ALMS1: variants seen among roughly 807,000 people sequenced by gnomAD.
ALMS1 encodes the protein ALMS1 centrosome and basal body associated protein.
A neutral mutation model predicts 352.2 loss-of-function variants in ALMS1; 271 were observed. The ratio of observed to expected loss-of-function variants is 0.77; its 90% CI spans 0.70 to 0.85. The LOEUF is 0.85. ALMS1 is among the 40% of genes least tolerant of loss of function. The probability of loss-of-function intolerance (pLI) is 0.00; values close to 1 mark genes in which losing one functional copy is unlikely to be tolerated. For missense variants in ALMS1, 5,445 were observed against 4,870.7 expected, an observed-to-expected ratio of 1.12 and a Z score of -3.51; for synonymous variants, 1,865 against 1,761.2, an observed-to-expected ratio of 1.06 and a Z score of -1.48.
intron 10 of ALMS1, among the ~76,000 whole-genome samples, chr2:73,493,584 T>G (rs1333234152): frequency 6.6e-6 from 1 of 151,886 alleles, no homozygotes; most frequent in East Asian, 1.9e-4. Flanking sequence ...TAGCTGGGCA[T>G]GGTGGCACAT....
intron 16 of ALMS1, among the ~76,000 whole-genome samples, chr2:73,590,903 A>T (rs1675419690): frequency 6.7e-6 from 1 of 150,350 alleles, no homozygotes; most frequent in Non-Finnish European, 1.5e-5. Flanking sequence ...CTGGTCTGAA[A>T]CTCCTGACCT....
chr2:73,397,728 A>G lies in ALMS1; in HGVS notation c.325-10894A>G, dbSNP rs565460323. 8.9e-4 allele frequency among the ~76,000 whole-genome samples: 136 copies of G among 152,308 alleles called. 1 individual carries two copies. Among genetic ancestry groups the G allele is most frequent in the South Asian group, 1.9e-3 (9 of 4,818 alleles). On this transcript the variant is annotated intron_variant, in intron 1 of 22. Transcript: ENST00000613296. ...GGTGATCCACCTGCCTCGGCCTCCC[A>G]GAGTGCTGGGATTACAGGCGTGCGG...
intron 15 of ALMS1, among the ~76,000 whole-genome samples, chr2:73,568,347 C>T (rs571440940): frequency 2.0e-5 from 3 of 152,202 alleles, no homozygotes; most frequent in Middle Eastern, 3.4e-3. Context: ...CCCTTTTCAC[C>T]CAGACTTCCA....
At chr2:73,596,572 A>G (rs780640086) in intron 16 of ALMS1, among the ~76,000 whole-genome samples, 24 of 151,792 alleles carry the variant, frequency 1.6e-4, no homozygotes, top group East Asian at 3.9e-4. Context: ...CCTGGGTTCA[A>G]GCGATTCTTC....
chr2:73,534,503 T>A (rs987467752), intron 11 of ALMS1, among the ~76,000 whole-genome samples: 1 of 152,192 alleles, frequency 6.6e-6, no homozygotes, highest in Non-Finnish European at 1.5e-5. Flanking sequence ...CCTACCATCC[T>A]ACTTAAACTG....
intron 12 of ALMS1, among the ~76,000 whole-genome samples, chr2:73,541,867 C>T (rs1032166426): frequency 1.3e-5 from 2 of 152,156 alleles, no homozygotes; most frequent in African/African-American, 4.8e-5. Flanking sequence ...GAAATTGAGG[C>T]AATAATCGAT....
intron 9 of ALMS1, among the ~76,000 whole-genome samples, chr2:73,482,987 T>G (rs1428501668): frequency 2.1e-4 from 32 of 152,388 alleles, no homozygotes; most frequent in African/African-American, 6.7e-4. Context: ...TTATTAGTCT[T>G]GCTAGCAGTC....
intron 1 of ALMS1, among the ~76,000 whole-genome samples, chr2:73,387,200 T>G (rs1345336211): frequency 6.6e-6 from 1 of 152,222 alleles, no homozygotes; most frequent in Non-Finnish European, 1.5e-5. Flanking sequence ...CAGGGGGTAC[T>G]TAATTCATTG....
At chr2:73,529,360 A>G (rs1673860979) in intron 11 of ALMS1, among the ~76,000 whole-genome samples, 1 of 152,124 alleles carries the variant, frequency 6.6e-6, no homozygotes, top group Non-Finnish European at 1.5e-5. Flanking sequence ...GATATTTTTG[A>G]ATTCTTTGTC....
At chr2:73,466,072 G>A (rs1478218342) in intron 9 of ALMS1, among the ~76,000 whole-genome samples, 1 of 152,166 alleles carries the variant, frequency 6.6e-6, no homozygotes. Flanking sequence ...GGAAGTCAGT[G>A]TGTCGATTCC....
In ALMS1 at chr2:73,450,846, A is replaced by G. The variant is rs1295926320; in HGVS notation, c.4319A>G (p.Gln1440Arg). 4.3e-6 allele frequency: 7 copies of G among 1,614,174 alleles called. No homozygotes were observed. Among genetic ancestry groups the G allele is most frequent in the Non-Finnish European group, 5.9e-6 (7 of 1,180,006 alleles). Reference sequence around the variant, plus strand: ...ACAGAGAAGCCTGGTAGTTTCTACCAACAGGTCTTGCCACATAGTCATCTA... The same window carrying G: ...ACAGAGAAGCCTGGTAGTTTCTACCGACAGGTCTTGCCACATAGTCATCTA... The part of the protein sequence containing the change: ...SHTEKPGSFY[Q>R]QVLPHSHLPE... Residue 1440 changes from glutamine to arginine, a missense_variant, in exon 8 of 23, where the codon CAA becomes CGA. By Grantham distance (43) the Gln-to-Arg change is conservative (BLOSUM62 1). Coordinates refer to ENST00000613296, the MANE Select transcript of ALMS1 (RefSeq NM_001378454.1).
Position 73,602,369 on chromosome 2 carries a change from G to C in ALMS1, c.12298+1G>C. On this transcript the variant is annotated splice_donor_variant, in intron 20 of 22. Transcript: ENST00000613296. LOFTEE classifies it high-confidence loss of function. ...CGCATGTGCCCGCTGCCCAAGAGAG[G>C]TACGCCCTGCCCGTTCACTTTCCTG... is the stretch of plus-strand genomic sequence containing the variant. 1.2e-6 allele frequency: 2 copies of C among 1,614,116 alleles called. No individual in the cohort carries two copies. Among genetic ancestry groups the C allele is most frequent in the South Asian group, 2.2e-5 (2 of 91,066 alleles).
At chr2:73,590,539 C>T (rs1675407008) in intron 16 of ALMS1, among the ~76,000 whole-genome samples, 1 of 152,006 alleles carries the variant, frequency 6.6e-6, no homozygotes, top group African/African-American at 2.4e-5. Context: ...TTCAGATTTG[C>T]CATTTACATT....
intron 16 of ALMS1, among the ~76,000 whole-genome samples, chr2:73,593,191 GAAAA>G (rs1001144321): frequency 1.5e-5 from 2 of 133,898 alleles, no homozygotes; most frequent in African/African-American, 2.7e-5. Flanking sequence ...ATGGATTCAG[GAAAA>G]AAAAAAAAAA....
chr2:73,507,093 G>A (rs1015705652), intron 10 of ALMS1, among the ~76,000 whole-genome samples: 1 of 152,018 alleles, frequency 6.6e-6, no homozygotes, highest in Non-Finnish European at 1.5e-5. Flanking sequence ...ATTGATTTGT[G>A]TATGTTGAAC....
In ALMS1 at chr2:73,562,029, A is replaced by AAAATGATGGAATTT. The variant is rs1370401840; in HGVS notation, c.10384+2888_10384+2901dup. Among the ~76,000 whole-genome samples, 4 of 152,216 alleles carry AAAATGATGGAATTT rather than the reference A, an allele frequency of 2.6e-5. No homozygotes were observed. The East Asian group carries it at 7.7e-4, about 29-fold the overall frequency. ...AGAAAGAGATGAAAGCAATTAAAAA[A>AAAATGATGGAATTT]AAATGATGGAATTTGAAGGCTGACA... On this transcript the variant is annotated intron_variant, in intron 15 of 22. Transcript: ENST00000613296.
At chr2:73,607,816 T>C (rs1675847459) in intron 21 of ALMS1, among the ~76,000 whole-genome samples, 4 of 150,712 alleles carry the variant, frequency 2.7e-5, no homozygotes, top group Admixed American at 2.0e-4. Context: ...CCTAATTTTT[T>C]TTTTTTTTTT....
Position 73,424,904 on chromosome 2 carries a change from T to C in ALMS1, c.1237+2T>C, listed in dbSNP as rs916056435. ...AGCAGGCAGAAACATATTTAACCAG[T>C]AAGTACCCTGATTCTTTTTCAGATT... On this transcript the variant is annotated splice_donor_variant, in intron 5 of 22. Coordinates refer to ENST00000613296, the MANE Select transcript of ALMS1 (RefSeq NM_001378454.1). LOFTEE classifies it high-confidence loss of function. 2.5e-6 allele frequency: 4 copies of C among 1,589,048 alleles called. No homozygotes were observed. The highest frequency in any genetic ancestry group is 1.8e-5 in the Admixed American group (1 of 56,930).
At position 73,453,056 on chromosome 2, in the gene ALMS1, C is replaced by T; in HGVS notation, c.6529C>T (p.Gln2177Ter). The change falls in exon 8 of 23, where the codon CAA (glutamine) becomes TAA (stop). Residue 2177 changes from glutamine to a stop codon, truncating the protein, a stop_gained. Coordinates refer to ENST00000613296, the MANE Select transcript of ALMS1 (RefSeq NM_001378454.1). LOFTEE classifies it high-confidence loss of function. ...CTCAAGTGCTCTTGGGCAAGCTGATCAAATTACCGGATTACAAACAGTTCC... is the reference window on the plus strand; with the variant it reads ...CTCAAGTGCTCTTGGGCAAGCTGATTAAATTACCGGATTACAAACAGTTCC... Reference protein sequence around the residue: ...KISSALGQADQITGLQTVPSG... With the variant: ...KISSALGQAD The T allele has an allele frequency of 1.2e-6, 2 of 1,613,844 alleles. No individual in the cohort carries two copies. Among genetic ancestry groups the T allele is most frequent in the Non-Finnish European group, 1.7e-6 (2 of 1,179,974 alleles).
Sources: gnomAD v4.1 joint callset for allele counts (sites outside exome capture counted in the v4.1 genomes callset) on GRCh38, gnomAD v4.1.1 for gene constraint, MANE v1.5 for transcripts, NCBI Gene and HGNC (gene_info 2026-07-23, HGNC 2026-07-21) for gene names.